The following NREP variants were observed in gnomAD, a reference collection of about 807,000 sequenced individuals.
The protein encoded by NREP is neuronal regeneration-related protein.
Under a neutral mutation model 8.6 loss-of-function variants are expected in NREP, and 5 were observed. The ratio of observed to expected loss-of-function variants is 0.58; its 90% CI spans 0.30 to 1.22. The LOEUF (loss-of-function observed/expected upper bound fraction) is 1.22, where lower values mean the gene tolerates loss of function less well. Among genes scored for constraint, NREP ranks in the 50% most tolerant of loss-of-function variants. The probability of loss-of-function intolerance (pLI) is 0.07; values close to 1 mark genes in which losing one functional copy is unlikely to be tolerated. For missense variants in NREP, 86 were observed against 82.5 expected (o/e 1.04, Z -0.17); for synonymous variants, 27 against 28.0 (o/e 0.96, Z 0.11).
intron 2 of NREP, among the ~76,000 whole-genome samples, chr5:111,778,564 A>ATT (rs1477811596): frequency 6.6e-6 from 1 of 152,136 alleles, no homozygotes; most frequent in Non-Finnish European, 1.5e-5. Flanking sequence ...CAAAGTCCTT[A>ATT]TTTAATTGTG....
chr5:111,867,939 T>G (rs919774790), intron 2 of NREP, among the ~76,000 whole-genome samples: 1 of 152,112 alleles, frequency 6.6e-6, no homozygotes, highest in Non-Finnish European at 1.5e-5. Flanking sequence ...TCTAGAACAC[T>G]TTTATAATTC....
intron 2 of NREP, among the ~76,000 whole-genome samples, chr5:111,951,333 A>G (rs1756154125): frequency 6.6e-6 from 1 of 152,006 alleles, no homozygotes; most frequent in Non-Finnish European, 1.5e-5. Flanking sequence ...GAACATTCTT[A>G]TATATTTCTA....
At chr5:111,819,817 T>C (rs1160183710) in intron 2 of NREP, among the ~76,000 whole-genome samples, 1 of 152,232 alleles carries the variant, frequency 6.6e-6, no homozygotes, top group Non-Finnish European at 1.5e-5. Flanking sequence ...AGAGGCACAT[T>C]GTGGCCTTCT....
intron 2 of NREP, among the ~76,000 whole-genome samples, chr5:111,960,995 G>T (rs896412734): frequency 6.6e-6 from 1 of 152,196 alleles, no homozygotes; most frequent in Non-Finnish European, 1.5e-5. Context: ...ATGTTGACAT[G>T]GTATGGCAAA....
At chr5:111,783,638 T>G (rs1301639512) in intron 2 of NREP, among the ~76,000 whole-genome samples, 1 of 152,210 alleles carries the variant, frequency 6.6e-6, no homozygotes, top group Admixed American at 6.5e-5. Flanking sequence ...TATTCCTAGT[T>G]TGGTGAACAT....
chr5:111,812,954 G>T (rs548611828), intron 2 of NREP, among the ~76,000 whole-genome samples: 2 of 152,226 alleles, frequency 1.3e-5, no homozygotes, highest in Admixed American at 1.3e-4. Context: ...ATAGTCAATA[G>T]ATAGTATGTT....
chr5:111,952,484 A>G (rs1054369739), intron 2 of NREP, among the ~76,000 whole-genome samples: 1 of 152,028 alleles, frequency 6.6e-6, no homozygotes, highest in African/African-American at 2.4e-5. Context: ...ATTATTATTT[A>G]TTTATTTGGT....
intron 2 of NREP, among the ~76,000 whole-genome samples, chr5:111,891,626 T>C (rs1192216674): frequency 6.6e-6 from 1 of 152,208 alleles, no homozygotes; most frequent in Non-Finnish European, 1.5e-5. Context: ...CATGGTTCTA[T>C]GGACTGTATA....
chr5:111,728,850 C>G (rs1183203515), downstream of NREP: 1 of 152,070 alleles, frequency 6.6e-6, no homozygotes, highest in Non-Finnish European at 1.5e-5. Flanking sequence ...AAAGTTTAAG[C>G]TTTTTGTCTG....
intron 2 of NREP, among the ~76,000 whole-genome samples, chr5:111,945,901 C>T (rs1000135139): frequency 4.6e-5 from 7 of 151,970 alleles, no homozygotes; most frequent in Admixed American, 3.3e-4. Context: ...TAGATTGGCT[C>T]ACCTTGGATC....
intron 2 of NREP, among the ~76,000 whole-genome samples, chr5:111,860,303 A>C (rs1454633869): frequency 6.6e-6 from 1 of 152,098 alleles, no homozygotes; most frequent in Non-Finnish European, 1.5e-5. Flanking sequence ...CTTCCCGTTT[A>C]CCTAGAGCCA....
At chr5:111,906,481 A>G (rs986082625) in intron 2 of NREP, among the ~76,000 whole-genome samples, 8 of 152,040 alleles carry the variant, frequency 5.3e-5, no homozygotes, top group Non-Finnish European at 8.8e-5. Context: ...TGATGTATCC[A>G]AATTACTCTA....
intron 2 of NREP, among the ~76,000 whole-genome samples, chr5:111,922,008 C>T (rs528156002): frequency 9.2e-5 from 14 of 152,128 alleles, no homozygotes; most frequent in African/African-American, 1.9e-4. Context: ...CCAATTAAAC[C>T]GCTTTTTCTT....
At chr5:111,951,091 G>A (rs918583407) in intron 2 of NREP, among the ~76,000 whole-genome samples, 1 of 151,896 alleles carries the variant, frequency 6.6e-6, no homozygotes, top group Non-Finnish European at 1.5e-5. Flanking sequence ...GTATATAATT[G>A]TTTCATATAT....
intron 2 of NREP, among the ~76,000 whole-genome samples, chr5:111,823,591 A>C (rs1030628842): frequency 6.6e-6 from 1 of 152,258 alleles, no homozygotes; most frequent in Non-Finnish European, 1.5e-5. Flanking sequence ...TATGTTATTT[A>C]ATAGACAAGT....
chr5:111,784,422 G>T (rs1451319460), intron 2 of NREP, among the ~76,000 whole-genome samples: 2 of 152,026 alleles, frequency 1.3e-5, no homozygotes, highest in Admixed American at 1.3e-4. Context: ...TGCCTCATAT[G>T]GGGGAAAAAG....
At chr5:111,823,259 C>A (rs56788421) in intron 2 of NREP, among the ~76,000 whole-genome samples, 6,988 of 152,212 alleles carry the variant, frequency 0.046, 543 homozygotes, top group African/African-American at 0.16. Context: ...AGAGATACAA[C>A]CCCATGACCC....
chr5:111,809,911 GTA>G (rs2112912985), intron 2 of NREP, among the ~76,000 whole-genome samples: 1 of 134,622 alleles, frequency 7.4e-6, no homozygotes, highest in Admixed American at 7.7e-5. Context: ...GTGTGTGTGT[GTA>G]TTCATGGTGG....
chr5:111,976,723 TTCCAAAC>T lies in NREP; in HGVS notation c.10_16del (p.Val4IlefsTer5). On this transcript the variant is annotated frameshift_variant, in exon 1 of 4. Transcript: ENST00000395634. LOFTEE classifies it high-confidence loss of function. ...TTCTTCACATACCAAAGCAGAATAA[TTCCAAAC>T]TCCTTTCATTCCAGTCCTGTTACTG... 1 of 1,550,830 alleles carries T rather than the reference TTCCAAAC, an allele frequency of 6.4e-7. No homozygotes were observed. Among genetic ancestry groups the T allele is most frequent in the Non-Finnish European group, 8.7e-7 (1 of 1,146,322 alleles).
Sources: gnomAD v4.1 joint callset for allele counts (sites outside exome capture counted in the v4.1 genomes callset) on GRCh38, gnomAD v4.1.1 for gene constraint, MANE v1.5 for transcripts, NCBI Gene and HGNC (gene_info 2026-07-23, HGNC 2026-07-21) for gene names.